Variants in LINGO1 observed in about 807,000 individuals in gnomAD.
The protein encoded by LINGO1 is leucine-rich repeat and immunoglobulin-like domain-containing nogo receptor-interacting protein 1.
A neutral mutation model predicts 37.3 loss-of-function variants in LINGO1; 11 were observed. The observed-to-expected ratio is 0.29, with a 90% confidence interval of 0.19 to 0.49. LINGO1 has a LOEUF of 0.49. Among genes scored for constraint, LINGO1 ranks in the 20% least tolerant of loss-of-function variants. LINGO1 has a pLI of 0.99. For synonymous variants in LINGO1, 387 were observed against 403.0 expected, an observed-to-expected ratio of 0.96 and a Z score of 0.48; for missense variants, 585 against 878.2, an observed-to-expected ratio of 0.67 and a Z score of 4.22.
At chr15:77,636,929 G>T (rs1390847955), upstream of LINGO1, among the ~76,000 whole-genome samples, 2 of 152,220 alleles carry the variant, frequency 1.3e-5, no homozygotes, top group Non-Finnish European at 2.9e-5. Context: ...AGACAGGGAT[G>T]GAGGCACCTG....
intron 1 of LINGO1, among the ~76,000 whole-genome samples, chr15:77,763,839 A>G (rs1197409643): frequency 5.3e-5 from 8 of 152,006 alleles, no homozygotes; most frequent in Admixed American, 2.0e-4. Context: ...GGCAGCACAA[A>G]CACCCCATTG....
At chr15:77,766,212 C>T (rs565863003) in intron 1 of LINGO1, among the ~76,000 whole-genome samples, 23 of 149,556 alleles carry the variant, frequency 1.5e-4, no homozygotes, top group South Asian at 4.3e-4. Flanking sequence ...GCAGGAGGAT[C>T]GCCTCAGCTT....
chr15:77,638,887 C>T (rs1567478590), upstream of LINGO1, among the ~76,000 whole-genome samples: 1 of 152,138 alleles, frequency 6.6e-6, no homozygotes. Flanking sequence ...ATCAGTGGAC[C>T]CACTTTTAGT....
chr15:77,642,594 T>C (rs1455905036), intron 3 of LINGO1, among the ~76,000 whole-genome samples: 1 of 152,164 alleles, frequency 6.6e-6, no homozygotes, highest in African/African-American at 2.4e-5. Flanking sequence ...GAGGGCAGTC[T>C]GGGCCTAGGG....
intron 1 of LINGO1, among the ~76,000 whole-genome samples, chr15:77,809,741 C>T (rs559815438): frequency 2.6e-4 from 40 of 152,344 alleles, no homozygotes; most frequent in African/African-American, 9.4e-4. Context: ...GTCCTCCCCA[C>T]CTGGCTCTCA....
Position 77,615,081 on chromosome 15 carries a change from T to A in LINGO1, c.826A>T (p.Thr276Ser). 6.2e-7 allele frequency: 1 copy of A among 1,613,824 alleles called. No homozygotes were observed. Among genetic ancestry groups the A allele is most frequent in the Non-Finnish European group, 8.5e-7 (1 of 1,179,852 alleles). The part of the protein sequence containing the change: ...TSLSITHCNL[T>S]AVPYLAVRHL... Reference sequence around the variant, plus strand: ...CGGACGGCCAGGTAGGGCACAGCGGTCAGATTGCAGTGTGTGATGGACAGG... The same window carrying A: ...CGGACGGCCAGGTAGGGCACAGCGGACAGATTGCAGTGTGTGATGGACAGG... Residue 276 changes from threonine (T) to serine (S), a missense_variant, in exon 2 of 2, where the codon ACC becomes TCC. Transcript: ENST00000355300.
chr15:77,667,435 G>A (rs1000312158), intron 3 of LINGO1, among the ~76,000 whole-genome samples: 2 of 152,184 alleles, frequency 1.3e-5, no homozygotes, highest in Admixed American at 6.5e-5. Flanking sequence ...GGGCCATGGA[G>A]TGAAGGAGGC....
chr15:77,681,094 C>G (rs1449188085), intron 2 of LINGO1, among the ~76,000 whole-genome samples: 1 of 152,100 alleles, frequency 6.6e-6, no homozygotes, highest in Non-Finnish European at 1.5e-5. Flanking sequence ...TGTGACTGAT[C>G]CAGTGCAACC....
At chr15:77,633,450 C>G (rs984944297), upstream of LINGO1, among the ~76,000 whole-genome samples, 2 of 152,198 alleles carry the variant, frequency 1.3e-5, no homozygotes, top group Non-Finnish European at 2.9e-5. Flanking sequence ...CTGGCCCTGT[C>G]CCCTCCTCTC....
intron 2 of LINGO1, among the ~76,000 whole-genome samples, chr15:77,715,556 T>C (rs1252375176): frequency 2.0e-5 from 3 of 152,188 alleles, no homozygotes; most frequent in Non-Finnish European, 4.4e-5. Flanking sequence ...ATCCCACCTG[T>C]ACCACTGACA....
intron 1 of LINGO1, among the ~76,000 whole-genome samples, chr15:77,739,343 A>G (rs1267254682): frequency 6.6e-6 from 1 of 151,744 alleles, no homozygotes; most frequent in African/African-American, 2.4e-5. Context: ...GATATAATGA[A>G]CTCCACGGTC....
chr15:77,714,817 TC>T (rs35062326), intron 2 of LINGO1, among the ~76,000 whole-genome samples: 1 of 152,088 alleles, frequency 6.6e-6, no homozygotes, highest in African/African-American at 2.4e-5. Context: ...CACTCCACTT[TC>T]CCCCAAACAA....
rs186660295 is a variant in LINGO1, at chr15:77,745,546, T to C, written c.-256-10493A>G. ...GCGGCTCTGCCCACTGAGCGTGAGC[T>C]TCTATTCATTTGCTGGAGACCATCT... is the stretch of plus-strand genomic sequence containing the variant. On this transcript the variant is annotated intron_variant, in intron 1 of 3. Transcript: ENST00000561686. 6.6e-3 allele frequency among the ~76,000 whole-genome samples: 1,012 copies of C among 152,248 alleles called. 9 individuals carry two copies. Among genetic ancestry groups the C allele is most frequent in the African/African-American group, 0.023 (965 of 41,530 alleles).
intron 2 of LINGO1, among the ~76,000 whole-genome samples, chr15:77,723,498 A>C (rs528001951): frequency 2.9e-4 from 44 of 152,332 alleles, no homozygotes; most frequent in Middle Eastern, 6.8e-3. Context: ...CACGTGTCCC[A>C]GGCTTTACCT....
At chr15:77,764,365 G>A (rs912816294) in intron 1 of LINGO1, among the ~76,000 whole-genome samples, 5 of 152,106 alleles carry the variant, frequency 3.3e-5, no homozygotes, top group Admixed American at 3.3e-4. Context: ...TAAATCATCC[G>A]TTCAACAAAA....
upstream of LINGO1, among the ~76,000 whole-genome samples, chr15:77,697,327 C>G (rs12907043): frequency 0.081 from 12,380 of 152,246 alleles, 576 homozygotes; most frequent in Middle Eastern, 0.13. Flanking sequence ...CCTATGCCAC[C>G]CTCAACCTGT....
chr15:77,760,905 T>C (rs1429575171), intron 1 of LINGO1, among the ~76,000 whole-genome samples: 4 of 149,442 alleles, frequency 2.7e-5, no homozygotes, highest in Admixed American at 1.3e-4. Flanking sequence ...GTTGTGATTG[T>C]TAATAAGTAT....
At chr15:77,720,128 C>T (rs1480192056) in intron 2 of LINGO1, among the ~76,000 whole-genome samples, 3 of 144,222 alleles carry the variant, frequency 2.1e-5, no homozygotes, top group Non-Finnish European at 4.7e-5. Flanking sequence ...GACCCCTGCT[C>T]CTACCACCAG....
At chr15:77,662,635 G>A (rs1229888617) in intron 3 of LINGO1, among the ~76,000 whole-genome samples, 3 of 152,168 alleles carry the variant, frequency 2.0e-5, no homozygotes, top group Non-Finnish European at 2.9e-5. Context: ...ATGAAGGGCT[G>A]GTGGGTGAAG....
Sources: allele counts gnomAD v4.1 joint callset (sites outside exome capture counted in the v4.1 genomes callset), GRCh38; gene constraint gnomAD v4.1.1; transcripts MANE v1.5; gene names NCBI Gene and HGNC (gene_info 2026-07-23, HGNC 2026-07-21).